The following CDA variants were observed in gnomAD, a reference collection of about 807,000 sequenced individuals.
CDA encodes cytidine aminohydrolase.
A neutral mutation model predicts 15.0 loss-of-function variants in CDA; 7 were observed. The ratio of observed to expected loss-of-function variants is 0.47; its 90% CI spans 0.26 to 0.87. The LOEUF (loss-of-function observed/expected upper bound fraction) is 0.87. Ranked by LOEUF, CDA falls within the 40% of genes least tolerant of loss-of-function variation. The pLI, the probability that CDA is intolerant of heterozygous loss-of-function variation, is 0.15. For missense variants in CDA, 159 were observed against 182.7 expected, an observed-to-expected ratio of 0.87 and a Z score of 0.75; for synonymous variants, 58 against 73.0, an observed-to-expected ratio of 0.79 and a Z score of 1.05.
chr1:20,608,566 C>T (rs897089841), intron 2 of CDA, among the ~76,000 whole-genome samples: 6 of 152,126 alleles, frequency 3.9e-5, no homozygotes, highest in Admixed American at 2.0e-4. Flanking sequence ...CCGGCCAGCA[C>T]GCCTGGCTAA....
intron 2 of CDA, among the ~76,000 whole-genome samples, chr1:20,605,365 C>T (rs1202398537): frequency 6.6e-6 from 1 of 152,080 alleles, no homozygotes; most frequent in African/African-American, 2.4e-5. Flanking sequence ...AAACATAAAG[C>T]GGGGGGAACC....
intron 3 of CDA, among the ~76,000 whole-genome samples, chr1:20,616,151 G>T (rs920562141): frequency 1.3e-5 from 2 of 152,168 alleles, no homozygotes. Context: ...GGTGACATAT[G>T]GGTATCCATG....
chr1:20,599,851 T>G (rs2052625969), intron 1 of CDA, among the ~76,000 whole-genome samples: 2 of 152,078 alleles, frequency 1.3e-5, no homozygotes, highest in Non-Finnish European at 2.9e-5. Flanking sequence ...GTTAAGTGCT[T>G]TACACGAGTG....
chr1:20,614,770 G>C (rs2052786805), intron 3 of CDA, among the ~76,000 whole-genome samples: 1 of 152,220 alleles, frequency 6.6e-6, no homozygotes, highest in South Asian at 2.1e-4. Flanking sequence ...CAATGGGATT[G>C]AAGTCAGAGG....
chr1:20,600,920 C>T lies in CDA; in HGVS notation c.155-4008C>T, dbSNP rs770125064. 4.2e-4 allele frequency among the ~76,000 whole-genome samples: 64 copies of T among 152,102 alleles called. 1 individual carries two copies. Among genetic ancestry groups the T allele is most frequent in the Non-Finnish European group, 7.8e-4 (53 of 68,022 alleles). On this transcript the variant is annotated intron_variant, in intron 1 of 3. Coordinates refer to ENST00000375071, the MANE Select transcript of CDA (RefSeq NM_001785.3). Reference sequence around the variant, plus strand: ...AGCAATAAGGGGCCAGTTATCTCAGCTATAATAACTAACATTTAAATAAAC... The same window carrying T: ...AGCAATAAGGGGCCAGTTATCTCAGTTATAATAACTAACATTTAAATAAAC...
Position 20,594,586 on chromosome 1 carries a change from G to A in CDA, c.154+5303G>A, listed in dbSNP as rs191069034. ...GCGGATCACCTGAGATCAGGAGTTC[G>A]AGACCAGCCTGGCCAACATGGTAAA... On this transcript the variant is annotated intron_variant, in intron 1 of 3. Transcript: ENST00000375071. Among the ~76,000 whole-genome samples the A allele has an allele frequency of 4.5e-3, 678 of 152,066 alleles. 5 individuals are homozygous for A. Among genetic ancestry groups the A allele is most frequent in the African/African-American group, 0.016 (652 of 41,480 alleles).
rs1372778717 is a variant in CDA at position 20,589,221 on chromosome 1, G to A, written c.92G>A (p.Cys31Tyr). 1.9e-6 allele frequency: 3 copies of A among 1,613,746 alleles called. No individual in the cohort carries two copies. The highest frequency in any genetic ancestry group is 1.3e-5 in the African/African-American group (1 of 74,938). The change falls in exon 1 of 4, where the codon TGC becomes TAC. Residue 31 changes from cysteine (C) to tyrosine (Y), a missense_variant. Physicochemically the swap from Cys to Tyr is radical, Grantham distance 194. Transcript: ENST00000375071. ...CAGGAGGCCAAGAAGTCAGCCTACT[G>A]CCCCTACAGTCACTTTCCTGTGGGG... ...CSQEAKKSAYCPYSHFPVGAA... is the reference protein window; with the variant it reads ...CSQEAKKSAYYPYSHFPVGAA...
intron 2 of CDA, among the ~76,000 whole-genome samples, chr1:20,606,026 A>G (rs1280537715): frequency 3.2e-5 from 4 of 125,732 alleles, no homozygotes; most frequent in Non-Finnish European, 5.3e-5. Context: ...CGTGCCTTTT[A>G]TAAGATCCTA....
intron 1 of CDA, 26 bp from the exon 2 acceptor site, chr1:20,604,902 A>T (rs981636669): frequency 6.8e-7 from 1 of 1,463,834 alleles, no homozygotes; most frequent in South Asian, 1.2e-5. Flanking sequence ...TGCCAGACAT[A>T]CCACTGGACT....
chr1:20,610,310 A>ATT lies in CDA; in HGVS notation c.267-3524_267-3523dup, dbSNP rs139325059. 2.5e-4 allele frequency among the ~76,000 whole-genome samples: 32 copies of ATT among 129,240 alleles called. 1 individual carries two copies. Among genetic ancestry groups the ATT allele is most frequent in the East Asian group, 1.1e-3 (5 of 4,748 alleles). The allele number at this position is 129,240 out of a possible 152,430, so 84.8% of individuals were successfully genotyped here. On this transcript the variant is annotated intron_variant, in intron 2 of 3. Transcript: ENST00000375071. ...TTTTTATTTTTATTTATTTATTTTT[A>ATT]TTTTTTTTTGAGATGGAGTCTTGCT... is the stretch of plus-strand genomic sequence containing the variant.
intron 2 of CDA, among the ~76,000 whole-genome samples, chr1:20,609,990 A>T (rs149251091): frequency 6.6e-6 from 1 of 152,074 alleles, no homozygotes; most frequent in Non-Finnish European, 1.5e-5. Context: ...AGAAAATAGC[A>T]CCTCAGCTGC....
intron 3 of CDA, among the ~76,000 whole-genome samples, chr1:20,618,024 G>A (rs10916831): frequency 0.33 from 50,280 of 151,114 alleles, 8,500 homozygotes; most frequent in African/African-American, 0.39. Flanking sequence ...TAAATTACCC[G>A]GTCTCAAGTA....
intron 1 of CDA, among the ~76,000 whole-genome samples, chr1:20,603,411 C>T (rs2052665330): frequency 6.6e-6 from 1 of 152,184 alleles, no homozygotes; most frequent in Non-Finnish European, 1.5e-5. Flanking sequence ...TCCTCCATTC[C>T]CTTGGCCACG....
At chr1:20,590,912 T>G (rs980774432) in intron 1 of CDA, among the ~76,000 whole-genome samples, 1 of 152,210 alleles carries the variant, frequency 6.6e-6, no homozygotes, top group African/African-American at 2.4e-5. Context: ...GGGGCCAGCA[T>G]GGCTGCCTTC....
intron 2 of CDA, among the ~76,000 whole-genome samples, chr1:20,611,103 G>A (rs374208333): frequency 6.6e-5 from 10 of 152,282 alleles, no homozygotes; most frequent in East Asian, 3.9e-4. Context: ...AGTCAAGTGC[G>A]GTGGTGCGTG....
rs371381630 is a variant in CDA at position 20,616,955 on chromosome 1, T to G, written c.325-1497T>G. Among the ~76,000 whole-genome samples the G allele has an allele frequency of 1.6e-4, 25 of 152,350 alleles. No individual in the cohort carries two copies. The South Asian group carries it at 5.0e-3, about 30-fold the overall frequency. ...CCTGAGCAGTCACTGGCTACCAACA[T>G]AATCAATAAGAATGGCATCTATTAA... On this transcript the variant is annotated intron_variant, in intron 3 of 3. Coordinates refer to ENST00000375071, the MANE Select transcript of CDA (RefSeq NM_001785.3).
chr1:20,608,196 G>T lies in CDA; in HGVS notation c.266+3157G>T, dbSNP rs189330191. 6.6e-5 allele frequency among the ~76,000 whole-genome samples: 10 copies of T among 152,306 alleles called. No homozygotes were observed. The East Asian group carries it at 1.9e-3, about 29-fold the overall frequency. Reference sequence around the variant, plus strand: ...CTCTCTTGGCAGGAACGTTGAGTAAGTTAGAAGCCCAGGCTTCAGGGTCAG... The same window carrying T: ...CTCTCTTGGCAGGAACGTTGAGTAATTTAGAAGCCCAGGCTTCAGGGTCAG... On this transcript the variant is annotated intron_variant, in intron 2 of 3. Transcript: ENST00000375071.
chr1:20,613,933 T>C (rs1570387260), intron 3 of CDA, 34 bp downstream of exon 3: 1 of 1,603,840 alleles, frequency 6.2e-7, no homozygotes, highest in Non-Finnish European at 8.5e-7. Flanking sequence ...GGAATGCAAA[T>C]ATCTTCCCTG....
At chr1:20,613,656 G>C (rs111804927) in intron 2 of CDA, among the ~76,000 whole-genome samples, 186 bp from the exon 3 acceptor site, 3,786 of 152,250 alleles carry the variant, frequency 0.025, 158 homozygotes, top group African/African-American at 0.085. Context: ...GCCCTGCCTT[G>C]TGGCAGTGTG....
Sources: allele counts gnomAD v4.1 joint callset (sites outside exome capture counted in the v4.1 genomes callset), GRCh38; gene constraint gnomAD v4.1.1; transcripts MANE v1.5; gene names NCBI Gene and HGNC (gene_info 2026-07-23, HGNC 2026-07-21).